TRAP1: variants seen among roughly 807,000 people sequenced by gnomAD.
The protein encoded by TRAP1 is TNF receptor associated protein 1.
TRAP1 carries 102 observed loss-of-function variants against 89.1 expected under a neutral mutation model. That is an observed-to-expected ratio of 1.15 (90% CI 0.98 to 1.35). The LOEUF is 1.35. Ranked by LOEUF, TRAP1 falls within the 40% of genes most tolerant of loss-of-function variation. The probability of loss-of-function intolerance (pLI) is 0.00; values close to 1 mark genes in which losing one functional copy is unlikely to be tolerated. For synonymous variants in TRAP1, 508 were observed against 388.0 expected (o/e 1.31, Z -3.64); for missense variants, 1,256 against 945.3 (o/e 1.33, Z -4.31).
Position 3,685,334 on chromosome 16 carries a change from T to G in TRAP1, c.471+662A>C, listed in dbSNP as rs373999072. Among the ~76,000 whole-genome samples the G allele has an allele frequency of 7.2e-5, 11 of 152,176 alleles. No individual in the cohort carries two copies. In the East Asian group the frequency reaches 1.9e-3, roughly 27 times the overall value. On this transcript the variant is annotated intron_variant, in intron 4 of 17. Coordinates refer to ENST00000246957, the MANE Select transcript of TRAP1 (RefSeq NM_016292.3). ...ACCTCACAAAAGCCCCTCCTTTAAT[T>G]AAAACAGCCATCCCTTCACAAGTCC...
intron 11 of TRAP1, among the ~76,000 whole-genome samples, chr16:3,669,113 C>A (rs1444215504): frequency 1.3e-5 from 2 of 152,196 alleles, no homozygotes; most frequent in South Asian, 2.1e-4. Context: ...TGGGGATGGA[C>A]AAGGTGGGGA....
At chr16:3,692,473 T>C (rs951024420) in intron 1 of TRAP1, among the ~76,000 whole-genome samples, 19 of 147,586 alleles carry the variant, frequency 1.3e-4, no homozygotes, top group Non-Finnish European at 2.7e-4. Context: ...GAAGTGGAGG[T>C]TGCAGTGAGC....
intron 3 of TRAP1, among the ~76,000 whole-genome samples, chr16:3,688,121 G>C (rs1461351914): frequency 6.6e-6 from 1 of 152,054 alleles, no homozygotes; most frequent in Non-Finnish European, 1.5e-5. Context: ...AACGATGGTG[G>C]CCTTCATCTT....
At chr16:3,695,266 G>T (rs1295951837) in intron 1 of TRAP1, among the ~76,000 whole-genome samples, 2 of 152,178 alleles carry the variant, frequency 1.3e-5, no homozygotes, top group African/African-American at 4.8e-5. Context: ...AGAATGCAAA[G>T]AAAGCGGGAA....
intron 1 of TRAP1, among the ~76,000 whole-genome samples, chr16:3,698,863 G>A (rs1029124324): frequency 1.3e-5 from 2 of 151,586 alleles, no homozygotes; most frequent in African/African-American, 4.9e-5. Context: ...TTCAGGGTGG[G>A]AGATGCAGCC....
intron 11 of TRAP1, among the ~76,000 whole-genome samples, chr16:3,667,125 G>GT (rs2050844044): frequency 6.6e-6 from 1 of 152,118 alleles, no homozygotes; most frequent in Non-Finnish European, 1.5e-5. Context: ...CCCAGGGAAG[G>GT]TGTCTATGCA....
chr16:3,712,388 C>G lies in TRAP1; in HGVS notation c.88+5033G>C, dbSNP rs567462099. Among the ~76,000 whole-genome samples, 7 of 149,196 alleles carry G rather than the reference C, an allele frequency of 4.7e-5. No homozygotes were observed. In the East Asian group the frequency reaches 8.0e-4, roughly 17 times the overall value. On this transcript the variant is annotated intron_variant, in intron 1 of 17. Coordinates refer to ENST00000246957, the MANE Select transcript of TRAP1 (RefSeq NM_016292.3). ...TAACAGCCTCTTTCATGGAACTCAC[C>G]TTTGTCACATGGTATTTACTGACAT...
At position 3,690,937 on chromosome 16, in the gene TRAP1, C is replaced by T. The variant is rs1363284085; in HGVS notation, c.137G>A (p.Arg46Lys). 6.3e-7 allele frequency: 1 copy of T among 1,587,192 alleles called. No homozygotes were observed. Among genetic ancestry groups the T allele is most frequent in the East Asian group, 2.4e-5 (1 of 42,420 alleles). Residue 46 changes from arginine (R) to lysine (K), a missense_variant, in exon 2 of 18, where the codon AGG becomes AAG. Arg to Lys is a conservative substitution (Grantham distance 26, BLOSUM62 2). Transcript: ENST00000246957. ...PRRTTAQLGP[R>K]RNPAWSLQAG... is the part of the protein sequence containing the mutation. ...CTGCAAGCTCCAGGCTGGGTTTCGC[C>T]TGGGGCCCAACTGGGCTGTGGTCCT...
intron 10 of TRAP1, among the ~76,000 whole-genome samples, chr16:3,672,040 T>C (rs1464031138): frequency 1.3e-5 from 2 of 152,166 alleles, no homozygotes; most frequent in Admixed American, 6.5e-5. Flanking sequence ...GGCTTTATGT[T>C]AAAAATCACA....
intron 2 of TRAP1, 144 bp downstream of exon 2, chr16:3,690,683 G>C: frequency 2.3e-6 from 2 of 868,752 alleles, no homozygotes; most frequent in Non-Finnish European, 1.6e-6. Context: ...AATGGAGGGC[G>C]CAGCACTCCC....
At chr16:3,690,138 C>G (rs980494697) in intron 2 of TRAP1, among the ~76,000 whole-genome samples, 7 of 152,060 alleles carry the variant, frequency 4.6e-5, no homozygotes, top group Admixed American at 3.9e-4. Context: ...TCTCAAGTAC[C>G]TGGAACCACT....
chr16:3,675,939 T>C, intron 7 of TRAP1, 97 bp downstream of exon 7: 2 of 1,081,002 alleles, frequency 1.9e-6, no homozygotes, highest in Non-Finnish European at 2.7e-6. Flanking sequence ...CTGTGCACCC[T>C]ACGTGCAGGT....
chr16:3,691,366 A>G (rs2051212036), intron 1 of TRAP1, among the ~76,000 whole-genome samples: 1 of 152,188 alleles, frequency 6.6e-6, no homozygotes, highest in Non-Finnish European at 1.5e-5. Context: ...ACAGGCACAG[A>G]CCACCATGCC....
At position 3,675,413 on chromosome 16, in the gene TRAP1, G is replaced by GAAA; in HGVS notation, c.815-19_815-17dup. The GAAA allele has an allele frequency of 6.2e-7, 1 of 1,613,202 alleles. No individual in the cohort carries two copies. Among genetic ancestry groups the GAAA allele is most frequent in the Non-Finnish European group, 8.5e-7 (1 of 1,179,478 alleles). On this transcript the variant is annotated splice_polypyrimidine_tract_variant and intron_variant, in intron 7 of 17. Transcript: ENST00000246957. ...GTTACCACATCTGGAAGGGACAAAA[G>GAAA]AAAAACCACACTGCATCTACAATGC...
intron 8 of TRAP1, chr16:3,674,774 G>A (rs1596713247): frequency 2.0e-6 from 1 of 494,728 alleles, no homozygotes; most frequent in Non-Finnish European, 3.7e-6. Context: ...ACGCTGCCCA[G>A]CAGGGGCGAG....
intron 1 of TRAP1, among the ~76,000 whole-genome samples, chr16:3,710,114 T>C (rs979576840): frequency 5.9e-5 from 9 of 152,186 alleles, no homozygotes; most frequent in African/African-American, 2.2e-4. Flanking sequence ...TGATACTTCA[T>C]TCATCAGGAA....
chr16:3,701,636 A>G (rs1255257412), intron 1 of TRAP1, among the ~76,000 whole-genome samples: 1 of 152,120 alleles, frequency 6.6e-6, no homozygotes, highest in African/African-American at 2.4e-5. Flanking sequence ...TGGCTACAGA[A>G]AGCGAAGGAG....
chr16:3,710,172 C>G (rs2051509330), intron 1 of TRAP1, among the ~76,000 whole-genome samples: 2 of 152,160 alleles, frequency 1.3e-5, no homozygotes, highest in African/African-American at 4.8e-5. Context: ...CGAAAGGGCA[C>G]CTCGGAATAG....
At chr16:3,707,665 C>T (rs2051467775) in intron 1 of TRAP1, among the ~76,000 whole-genome samples, 1 of 149,874 alleles carries the variant, frequency 6.7e-6, no homozygotes, top group African/African-American at 2.4e-5. Flanking sequence ...ACCAGCCTGG[C>T]CAACATGGTG....
Sources: allele counts gnomAD v4.1 joint callset (sites outside exome capture counted in the v4.1 genomes callset), GRCh38; gene constraint gnomAD v4.1.1; transcripts MANE v1.5; gene names NCBI Gene and HGNC (gene_info 2026-07-23, HGNC 2026-07-21).